The following ASZ1 variants were observed in gnomAD, a reference collection of about 807,000 sequenced individuals.
The protein encoded by ASZ1 is ankyrin repeat, SAM and basic leucine zipper domain-containing protein 1.
In ASZ1, 67 loss-of-function variants were observed where a neutral mutation model predicts 61.8. That is an observed-to-expected ratio of 1.08 (90% CI 0.89 to 1.33). The LOEUF (loss-of-function observed/expected upper bound fraction) is 1.33, where lower values mean the gene tolerates loss of function less well. Among genes scored for constraint, ASZ1 ranks in the 40% most tolerant of loss-of-function variants. The pLI is 0.00. For missense variants in ASZ1, 577 were observed against 554.5 expected (o/e 1.04, Z -0.41); for synonymous variants, 193 against 192.7 (o/e 1.00, Z -0.01).
chr7:117,376,316 C>T (rs923242695), intron 10 of ASZ1, among the ~76,000 whole-genome samples: 1 of 152,066 alleles, frequency 6.6e-6, no homozygotes, highest in African/African-American at 2.4e-5. Flanking sequence ...TTAAAAGCTT[C>T]CCCCACAAAA....
intron 4 of ASZ1, among the ~76,000 whole-genome samples, chr7:117,405,254 C>T (rs774285019): frequency 1.1e-4 from 16 of 152,320 alleles, no homozygotes; most frequent in South Asian, 2.1e-4. Flanking sequence ...AAATGAGTTA[C>T]GTGGTAAGCC....
Position 117,368,728 on chromosome 7 carries a change from G to GAAAC in ASZ1, c.1056-15_1056-12dup. ...AGGAACTCATCACCACTAAAGAAAG[G>GAAAC]AAACAAACAAACAAGCAGGAATTAC... On this transcript the variant is annotated splice_polypyrimidine_tract_variant and intron_variant, in intron 10 of 12. Transcript: ENST00000284629. The GAAAC allele has an allele frequency of 6.2e-7, 1 of 1,608,778 alleles. No homozygotes were observed. Among genetic ancestry groups the GAAAC allele is most frequent in the Non-Finnish European group, 8.5e-7 (1 of 1,178,466 alleles).
chr7:117,412,808 C>A (rs905636732), intron 4 of ASZ1, among the ~76,000 whole-genome samples: 1 of 151,346 alleles, frequency 6.6e-6, no homozygotes, highest in African/African-American at 2.4e-5. Flanking sequence ...GAAAGAGTTT[C>A]AGCAAACTAG....
chr7:117,379,230 G>A (rs1290244133), intron 10 of ASZ1, among the ~76,000 whole-genome samples: 3 of 145,108 alleles, frequency 2.1e-5, no homozygotes, highest in Non-Finnish European at 3.0e-5. Context: ...TGAGTAAGCC[G>A]TATGGGTCAT....
chr7:117,413,813 T>C (rs1164396657), intron 4 of ASZ1, among the ~76,000 whole-genome samples: 4 of 152,082 alleles, frequency 2.6e-5, no homozygotes, highest in African/African-American at 9.6e-5. Flanking sequence ...ATTACAGAGC[T>C]GACACAAAAA....
At chr7:117,390,618 T>C (rs2116483273) in intron 4 of ASZ1, among the ~76,000 whole-genome samples, 1 of 152,354 alleles carries the variant, frequency 6.6e-6, no homozygotes, top group African/African-American at 2.4e-5. Flanking sequence ...TCCAAACTGT[T>C]TTCCACAGTG....
At chr7:117,371,703 A>C (rs1305977678) in intron 10 of ASZ1, among the ~76,000 whole-genome samples, 1 of 152,138 alleles carries the variant, frequency 6.6e-6, no homozygotes, top group Non-Finnish European at 1.5e-5. Flanking sequence ...TAAATATTCA[A>C]ATTTTATTTA....
At chr7:117,382,856 C>A in intron 7 of ASZ1, 130 bp downstream of exon 7, 1 of 1,053,980 alleles carries the variant, frequency 9.5e-7, no homozygotes, top group Middle Eastern at 3.7e-4. Flanking sequence ...ACTAAAAACC[C>A]AGACATTTAA....
At chr7:117,415,774 A>G (rs1796979343) in intron 4 of ASZ1, among the ~76,000 whole-genome samples, 1 of 152,354 alleles carries the variant, frequency 6.6e-6, no homozygotes, top group South Asian at 2.1e-4. Context: ...ACAACAACAA[A>G]AAAAGGTATT....
chr7:117,380,956 C>T, intron 9 of ASZ1, 55 bp downstream of exon 9: 1 of 1,445,650 alleles, frequency 6.9e-7, no homozygotes, highest in South Asian at 1.2e-5. Context: ...GAAAAGGATC[C>T]ACAATTTTAA....
rs753770290 is a variant in ASZ1, at chr7:117,385,805, G to C, written c.445C>G (p.Leu149Val). Reference sequence around the variant, plus strand: ...GCAGCATACATGATTGGGGTCATAAGTCTCCTAAGGAGGAGGAAGAAAGGA... The same window carrying C: ...GCAGCATACATGATTGGGGTCATAACTCTCCTAAGGAGGAGGAAGAAAGGA... ...NADPNVACRR[L>V]MTPIMYAARD... Residue 149 changes from leucine (L) to valine (V), a missense_variant, in exon 5 of 13, where the codon CTT (leucine) becomes GTT (valine). Leu to Val is a conservative substitution (Grantham distance 32, BLOSUM62 1). Coordinates refer to ENST00000284629, the MANE Select transcript of ASZ1 (RefSeq NM_130768.3). 6.2e-7 allele frequency: 1 copy of C among 1,608,730 alleles called. No homozygotes were observed. The highest frequency in any genetic ancestry group is 8.5e-7 in the Non-Finnish European group (1 of 1,175,826).
At chr7:117,397,577 G>T (rs557092973) in intron 4 of ASZ1, among the ~76,000 whole-genome samples, 1 of 152,282 alleles carries the variant, frequency 6.6e-6, no homozygotes, top group African/African-American at 2.4e-5. Context: ...AGACGATTTG[G>T]TAACACCTAT....
intron 4 of ASZ1, among the ~76,000 whole-genome samples, chr7:117,396,500 T>C (rs1225290004): frequency 6.6e-6 from 1 of 152,216 alleles, no homozygotes; most frequent in Non-Finnish European, 1.5e-5. Flanking sequence ...ATTTTAACTT[T>C]TATAAAATAT....
intron 10 of ASZ1, among the ~76,000 whole-genome samples, chr7:117,377,116 A>G (rs1796152293): frequency 1.3e-5 from 2 of 152,204 alleles, no homozygotes; most frequent in Admixed American, 1.3e-4. Flanking sequence ...TTGCACATGG[A>G]AACAAATAAA....
At position 117,381,934 on chromosome 7, in the gene ASZ1, G is replaced by A. The variant is rs1047900467; in HGVS notation, c.888+135C>T. The A allele has an allele frequency of 4.9e-6, 3 of 606,666 alleles. No individual in the cohort carries two copies. The African/African-American group carries it at 5.7e-5, about 11-fold the overall frequency. 37.6% of individuals were successfully genotyped at this position (606,666 alleles called of 1,614,324 possible). On this transcript the variant is annotated intron_variant, in intron 8 of 12. Coordinates refer to ENST00000284629, the MANE Select transcript of ASZ1 (RefSeq NM_130768.3). Reference sequence around the variant, plus strand: ...AATGTTTTTCACAAATTTAAAATTGGGATGTACTACAAATTATGGTGAAAA... The same window carrying A: ...AATGTTTTTCACAAATTTAAAATTGAGATGTACTACAAATTATGGTGAAAA...
At chr7:117,413,712 T>C (rs1796939789) in intron 4 of ASZ1, among the ~76,000 whole-genome samples, 1 of 152,044 alleles carries the variant, frequency 6.6e-6, no homozygotes, top group East Asian at 1.9e-4. Context: ...CTACATATCA[T>C]ATGGAAAGCT....
intron 4 of ASZ1, among the ~76,000 whole-genome samples, chr7:117,393,655 A>G (rs1796519614): frequency 6.6e-6 from 1 of 152,174 alleles, no homozygotes; most frequent in African/African-American, 2.4e-5. Flanking sequence ...TTTTGCTTTT[A>G]GCCAATATGA....
intron 10 of ASZ1, among the ~76,000 whole-genome samples, chr7:117,375,783 G>A (rs1796125490): frequency 6.6e-6 from 1 of 151,896 alleles, no homozygotes; most frequent in Admixed American, 6.6e-5. Context: ...AGAAGTGAAT[G>A]AAAATGATCA....
intron 4 of ASZ1, among the ~76,000 whole-genome samples, chr7:117,400,130 T>C (rs753992159): frequency 2.0e-5 from 3 of 152,222 alleles, no homozygotes; most frequent in Non-Finnish European, 4.4e-5. Context: ...TCATGTCATA[T>C]TTTTGCATAT....
Sources: allele counts gnomAD v4.1 joint callset (sites outside exome capture counted in the v4.1 genomes callset), GRCh38; gene constraint gnomAD v4.1.1; transcripts MANE v1.5; gene names NCBI Gene and HGNC (gene_info 2026-07-23, HGNC 2026-07-21).